VWA8: variants seen among roughly 807,000 people sequenced by gnomAD.
VWA8 encodes the protein von Willebrand factor A domain containing 8, also known as von Willebrand factor A domain-containing protein 8.
In VWA8, 221 loss-of-function variants were observed where a neutral mutation model predicts 241.5. That is an observed-to-expected ratio of 0.91 (90% CI 0.82 to 1.02). The LOEUF is 1.02. VWA8 is among the 50% of genes least tolerant of loss of function. The pLI, the probability that VWA8 is intolerant of heterozygous loss-of-function variation, is 0.00. For synonymous variants in VWA8, 852 were observed against 827.1 expected (o/e 1.03, Z -0.52); for missense variants, 2,322 against 2,328.7 (o/e 1.00, Z 0.06).
rs551588206 is a variant in VWA8 at position 41,824,900 on chromosome 13, G to A, written c.1701-5514C>T. Among the ~76,000 whole-genome samples the A allele has an allele frequency of 7.0e-3, 1,054 of 151,276 alleles. 11 individuals carry two copies. The highest frequency in any genetic ancestry group is 8.3e-3 in the Non-Finnish European group (560 of 67,782). ...AAGGGGACCGGAGGGGAGGGGAGGG[G>A]ATATACTGAGAATGCTCAGTATATC... is the stretch of plus-strand genomic sequence containing the variant. On this transcript the variant is annotated intron_variant, in intron 14 of 44. Coordinates refer to ENST00000379310, the MANE Select transcript of VWA8 (RefSeq NM_015058.2).
intron 17 of VWA8, among the ~76,000 whole-genome samples, chr13:41,796,219 A>G (rs1869695559): frequency 6.6e-6 from 1 of 152,144 alleles, no homozygotes; most frequent in South Asian, 2.1e-4. Flanking sequence ...ACTAGACTCA[A>G]AGTGAATTTC....
chr13:41,739,376 T>C (rs2045549179), intron 21 of VWA8, among the ~76,000 whole-genome samples: 1 of 152,212 alleles, frequency 6.6e-6, no homozygotes, highest in Admixed American at 6.5e-5. Flanking sequence ...CTCTAGGAAG[T>C]TGGTTAGGTA....
At chr13:41,585,730 G>A (rs2044412682) in intron 42 of VWA8, among the ~76,000 whole-genome samples, 1 of 151,900 alleles carries the variant, frequency 6.6e-6, no homozygotes, top group Non-Finnish European at 1.5e-5. Context: ...CAGGCGTGGT[G>A]GCGGGCACCT....
rs912430767 is a variant in VWA8 at position 41,866,039 on chromosome 13, A to G, written c.1213-3T>C. 6.2e-7 allele frequency: 1 copy of G among 1,613,722 alleles called. No individual in the cohort carries two copies. Among genetic ancestry groups the G allele is most frequent in the Non-Finnish European group, 8.5e-7 (1 of 1,179,700 alleles). On this transcript the variant is annotated splice_region_variant and splice_polypyrimidine_tract_variant and intron_variant, in intron 10 of 44. Coordinates refer to ENST00000379310, the MANE Select transcript of VWA8 (RefSeq NM_015058.2). ...AATAGCCTGGTCCCGGCTGGCACCT[A>G]TAATTAAAGAGAGGTCAATATAACA...
intron 2 of VWA8, among the ~76,000 whole-genome samples, chr13:41,940,223 C>T (rs1877530939): frequency 6.6e-6 from 1 of 152,152 alleles, no homozygotes; most frequent in Non-Finnish European, 1.5e-5. Context: ...TCCCTTTCTT[C>T]AATGTCTATC....
chr13:41,573,108 C>CAAAA (rs71086585), intron 43 of VWA8, among the ~76,000 whole-genome samples: 27 of 72,400 alleles, frequency 3.7e-4, no homozygotes, highest in East Asian at 2.8e-3. Context: ...GACACCGTTT[C>CAAAA]AAAAAAAAAA....
intron 1 of VWA8, among the ~76,000 whole-genome samples, chr13:41,953,113 T>TA (rs1355148158): frequency 1.2e-4 from 19 of 152,288 alleles, no homozygotes; most frequent in African/African-American, 4.3e-4. Context: ...ATCTAGATAT[T>TA]AATAGCTTTA....
chr13:41,925,743 C>G (rs1376249044), intron 2 of VWA8: 1 of 209,170 alleles, frequency 4.8e-6, no homozygotes, highest in Non-Finnish European at 1.0e-5. Flanking sequence ...AAAGTTAAAC[C>G]AGGCCACAGC....
At chr13:41,588,361 T>A (rs2044432583) in intron 41 of VWA8, among the ~76,000 whole-genome samples, 1 of 152,220 alleles carries the variant, frequency 6.6e-6, no homozygotes, top group African/African-American at 2.4e-5. Context: ...AGATTAAGTT[T>A]GATTTTAGAC....
chr13:41,584,046 C>T (rs188163560), intron 42 of VWA8, among the ~76,000 whole-genome samples: 55 of 151,434 alleles, frequency 3.6e-4, no homozygotes, highest in Non-Finnish European at 7.5e-4. Context: ...GATTTGGGGG[C>T]GGGGGTAGAG....
intron 3 of VWA8, among the ~76,000 whole-genome samples, chr13:41,908,701 G>A (rs1456285037): frequency 6.6e-6 from 1 of 152,172 alleles, no homozygotes; most frequent in Non-Finnish European, 1.5e-5. Flanking sequence ...CCTGTTTCAA[G>A]ATAATTTATC....
At chr13:41,576,897 C>T (rs923101748) in intron 42 of VWA8, among the ~76,000 whole-genome samples, 1 of 152,194 alleles carries the variant, frequency 6.6e-6, no homozygotes, top group Non-Finnish European at 1.5e-5. Flanking sequence ...TTGGCTCTGG[C>T]CCACCCCATG....
rs1475952261 is a variant in VWA8 at position 41,846,561 on chromosome 13, T to A, written c.1426-13030A>T. ...GTGAAGAAACAAACTATAAATATGT[T>A]CAAATTTTAATATAACAATAAGTCT... On this transcript the variant is annotated intron_variant, in intron 12 of 44. Coordinates refer to ENST00000379310, the MANE Select transcript of VWA8 (RefSeq NM_015058.2). 2.0e-5 allele frequency among the ~76,000 whole-genome samples: 3 copies of A among 152,290 alleles called. No individual in the cohort carries two copies. In the East Asian group the frequency reaches 5.8e-4, roughly 29 times the overall value.
intron 8 of VWA8, among the ~76,000 whole-genome samples, chr13:41,885,202 T>C (rs1316166713): frequency 1.3e-5 from 2 of 152,246 alleles, no homozygotes; most frequent in Non-Finnish European, 2.9e-5. Context: ...CTTCTCCCTC[T>C]ACCACACACA....
At chr13:41,867,400 G>A (rs906354708) in intron 10 of VWA8, among the ~76,000 whole-genome samples, 2 of 152,100 alleles carry the variant, frequency 1.3e-5, no homozygotes, top group Admixed American at 6.6e-5. Context: ...CCATTCATCT[G>A]AACAAAACAG....
chr13:41,918,499 G>C (rs1172723965), intron 2 of VWA8, among the ~76,000 whole-genome samples: 1 of 152,140 alleles, frequency 6.6e-6, no homozygotes, highest in Non-Finnish European at 1.5e-5. Context: ...AAAAATGCAA[G>C]ACAGATTCCC....
chr13:41,901,733 G>T (rs528816353), intron 4 of VWA8, among the ~76,000 whole-genome samples: 1 of 151,180 alleles, frequency 6.6e-6, no homozygotes, highest in African/African-American at 2.4e-5. Flanking sequence ...AAATGTGATG[G>T]TGCGCACCTG....
At chr13:41,707,082 T>G (rs910962300) in intron 26 of VWA8, among the ~76,000 whole-genome samples, 6 of 152,252 alleles carry the variant, frequency 3.9e-5, no homozygotes, top group African/African-American at 1.4e-4. Context: ...GTGAGTATCA[T>G]AATTATGACT....
intron 37 of VWA8, among the ~76,000 whole-genome samples, chr13:41,635,533 T>C (rs1275885042): frequency 1.3e-5 from 2 of 152,222 alleles, no homozygotes; most frequent in East Asian, 3.8e-4. Context: ...CTGCCTGTAG[T>C]TTATTTAACA....
Sources: gnomAD v4.1 joint callset for allele counts (sites outside exome capture counted in the v4.1 genomes callset) on GRCh38, gnomAD v4.1.1 for gene constraint, MANE v1.5 for transcripts, NCBI Gene and HGNC (gene_info 2026-07-23, HGNC 2026-07-21) for gene names.